The following NLGN4X variants were observed in gnomAD, a reference collection of about 807,000 sequenced individuals.
NLGN4X encodes the protein neuroligin-4, X-linked.
NLGN4X carries 3 observed loss-of-function variants against 40.3 expected under a neutral mutation model. That is an observed-to-expected ratio of 0.07 (90% CI 0.03 to 0.19). The LOEUF is 0.19. Ranked by LOEUF, NLGN4X falls within the 10% of genes least tolerant of loss-of-function variation. The pLI is 1.00. For missense variants in NLGN4X, 382 were observed against 708.3 expected (o/e 0.54, Z 5.23); for synonymous variants, 270 against 306.8 (o/e 0.88, Z 1.25).
chrX:6,126,030 G>A (rs5961404), intron 2 of NLGN4X, among the ~76,000 whole-genome samples: 46,462 of 109,004 alleles, frequency 0.43, 7,395 homozygotes, highest in Middle Eastern at 0.61. Context: ...TCCCGAAATT[G>A]AATATATATT....
At chrX:6,097,871 C>A (rs1431748759) in intron 2 of NLGN4X, among the ~76,000 whole-genome samples, 1 of 111,221 alleles carries the variant, frequency 9.0e-6, no homozygotes, top group East Asian at 2.8e-4. Context: ...TAACATCTAG[C>A]ATTTCAAATT....
intron 1 of NLGN4X, among the ~76,000 whole-genome samples, chrX:6,219,381 CCTTCCTTCTTT>C (rs1434962288): frequency 4.2e-5 from 2 of 47,750 alleles, no homozygotes; most frequent in Non-Finnish European, 7.1e-5. Flanking sequence ...TTCTTTCTTT[CCTTCCTTCTTT>C]CCTTCTTTCC....
At chrX:5,958,612 T>C (rs1371117036) in intron 3 of NLGN4X, among the ~76,000 whole-genome samples, 1 of 111,802 alleles carries the variant, frequency 8.9e-6, no homozygotes, top group Admixed American at 9.5e-5. Context: ...CTCCTGAAGT[T>C]GGTAATGGAA....
chrX:6,168,201 T>C (rs996884305), intron 1 of NLGN4X, among the ~76,000 whole-genome samples: 5 of 112,053 alleles, frequency 4.5e-5, no homozygotes, highest in Admixed American at 1.9e-4. Flanking sequence ...TTCTTTTCAA[T>C]TGGCCCACCC....
At chrX:6,112,567 T>C (rs939147026) in intron 2 of NLGN4X, among the ~76,000 whole-genome samples, 3 of 94,988 alleles carry the variant, frequency 3.2e-5, no homozygotes, top group East Asian at 6.7e-4. Flanking sequence ...CCCCGCTTTC[T>C]TTTTTTTTTT....
intron 1 of NLGN4X, among the ~76,000 whole-genome samples, chrX:6,221,797 C>CT (rs1347279613): frequency 9.1e-6 from 1 of 110,468 alleles, no homozygotes; most frequent in Non-Finnish European, 1.9e-5. Context: ...CTGAACAGCT[C>CT]TGACCATTGG....
Position 5,892,038 on chromosome X carries a change from T to C in NLGN4X, c.*779A>G, listed in dbSNP as rs1025695092. The C allele has an allele frequency of 2.8e-4, 34 of 120,663 alleles. No individual in the cohort carries two copies. The highest frequency in any genetic ancestry group is 1.0e-3 in the African/African-American group (31 of 30,634). 9.9% of individuals were successfully genotyped at this position (120,663 alleles called of 1,213,427 possible). A position where few individuals can be genotyped will look rare whatever the true frequency, so the allele number is the denominator to read the frequency against. ...ACAGAGGTGATATGACTAATGTGTGTGTGTGTGTGTATATATATATATATT... is the reference window on the plus strand; with the variant it reads ...ACAGAGGTGATATGACTAATGTGTGCGTGTGTGTGTATATATATATATATT... On this transcript the variant is annotated 3_prime_UTR_variant, in exon 6 of 6. Transcript: ENST00000381095.
At chrX:6,125,981 A>T (rs1366261374) in intron 2 of NLGN4X, among the ~76,000 whole-genome samples, 22 of 76,484 alleles carry the variant, frequency 2.9e-4, no homozygotes, top group Admixed American at 2.8e-3. Context: ...AATAATGGCC[A>T]TTTTAAAAAT....
intron 2 of NLGN4X, among the ~76,000 whole-genome samples, chrX:6,116,273 A>T (rs780588034): frequency 1.2e-3 from 71 of 59,756 alleles, no homozygotes; most frequent in Non-Finnish European, 1.9e-3. Context: ...AGCCTGGGCG[A>T]CAGACCGAGA....
chrX:6,125,210 T>C (rs2039514346), intron 2 of NLGN4X, among the ~76,000 whole-genome samples: 1 of 111,917 alleles, frequency 8.9e-6, no homozygotes, highest in Admixed American at 9.5e-5. Flanking sequence ...AAACGAGCCA[T>C]GGAGGCAAGT....
chrX:6,214,966 C>T (rs1463441917), intron 1 of NLGN4X, among the ~76,000 whole-genome samples: 2 of 111,961 alleles, frequency 1.8e-5, no homozygotes, highest in Non-Finnish European at 3.8e-5. Flanking sequence ...GTGCATTCAT[C>T]ATAACTCATA....
intron 2 of NLGN4X, among the ~76,000 whole-genome samples, chrX:6,049,429 A>G (rs1302824990): frequency 9.3e-6 from 1 of 107,872 alleles, no homozygotes; most frequent in African/African-American, 3.4e-5. Context: ...AGAATTGTGT[A>G]CTAAAAGACC....
rs775148044 is a variant in NLGN4X at position 6,133,159 on chromosome X, CATT to C, written c.472+17833_472+17835del. ...TCGTCATCACGATAACCACCATCAT[CATT>C]ATCACCATCATCACTATCACCATCA... On this transcript the variant is annotated intron_variant, in intron 2 of 5. Transcript: ENST00000381095. 3.9e-4 allele frequency among the ~76,000 whole-genome samples: 32 copies of C among 81,218 alleles called. 1 individual carries two copies. The highest frequency in any genetic ancestry group is 9.8e-4 in the African/African-American group (25 of 25,452). 70.5% of individuals were successfully genotyped at this position (81,218 alleles called of 115,157 possible).
At chrX:6,094,566 GAGGAGATTCTGGTGC>G (rs2038714366) in intron 2 of NLGN4X, among the ~76,000 whole-genome samples, 1 of 110,844 alleles carries the variant, frequency 9.0e-6, no homozygotes, top group Non-Finnish European at 1.9e-5. Context: ...TTCCCCAGGT[GAGGAGATTCTGGTGC>G]TAGAGCTGGC....
At chrX:6,022,323 T>A (rs575789503) in intron 3 of NLGN4X, among the ~76,000 whole-genome samples, 3 of 112,392 alleles carry the variant, frequency 2.7e-5, no homozygotes, top group African/African-American at 9.7e-5. Context: ...CTTTCTTTTT[T>A]AATATATACG....
At chrX:5,986,096 C>T (rs977773650) in intron 3 of NLGN4X, among the ~76,000 whole-genome samples, 1 of 111,954 alleles carries the variant, frequency 8.9e-6, no homozygotes. Context: ...ATGTAAACTA[C>T]CACCTGGAAA....
chrX:6,044,138 A>ATAAATAAATAAAT (rs1569204678), intron 2 of NLGN4X, among the ~76,000 whole-genome samples: 3 of 46,941 alleles, frequency 6.4e-5, no homozygotes, highest in African/African-American at 1.8e-4. Flanking sequence ...AATAAATAAC[A>ATAAATAAATAAAT]AAATCACACA....
chrX:6,211,905 T>C (rs1439016553), intron 1 of NLGN4X, among the ~76,000 whole-genome samples: 1 of 111,843 alleles, frequency 8.9e-6, no homozygotes, highest in Non-Finnish European at 1.9e-5. Flanking sequence ...TTTCCCATAC[T>C]ACTCTTCATT....
intron 2 of NLGN4X, among the ~76,000 whole-genome samples, chrX:6,056,191 A>C (rs1293582447): frequency 1.8e-5 from 2 of 111,979 alleles, no homozygotes; most frequent in Admixed American, 1.9e-4. Context: ...TAAAACAAAA[A>C]CAGGCCAGGG....
Sources: gnomAD v4.1 joint callset for allele counts (sites outside exome capture counted in the v4.1 genomes callset) on GRCh38, gnomAD v4.1.1 for gene constraint, MANE v1.5 for transcripts, NCBI Gene and HGNC (gene_info 2026-07-23, HGNC 2026-07-21) for gene names.